Variants in LRRCC1 observed in about 807,000 individuals in gnomAD.
LRRCC1 encodes the protein leucine rich repeat and coiled-coil centrosomal protein 1.
In LRRCC1, 115 loss-of-function variants were observed where a neutral mutation model predicts 126.0. The observed-to-expected ratio is 0.91, with a 90% confidence interval of 0.78 to 1.07. The LOEUF is 1.07. Among genes scored for constraint, LRRCC1 ranks in the 50% least tolerant of loss-of-function variants. The probability of loss-of-function intolerance (pLI) is 0.00; values close to 1 mark genes in which losing one functional copy is unlikely to be tolerated. For missense variants in LRRCC1, 1,172 were observed against 1,175.7 expected, an observed-to-expected ratio of 1.00 and a Z score of 0.05; for synonymous variants, 400 against 393.4, an observed-to-expected ratio of 1.02 and a Z score of -0.20.
At chr8:85,127,440 A>C (rs1014967665) in intron 9 of LRRCC1, among the ~76,000 whole-genome samples, 1 of 152,156 alleles carries the variant, frequency 6.6e-6, no homozygotes, top group African/African-American at 2.4e-5. Flanking sequence ...GCTTTTCCTC[A>C]AATGATTATA....
At position 85,137,514 on chromosome 8, in the gene LRRCC1, TTATC is replaced by T; in HGVS notation, c.2383_2386del (p.Ser795GlufsTer17). ...AAAATTGGAGGCTCAAATTGAGAGT[TTATC>T]TAGAGAGAATGAATGTCTGCGAAAG... is the stretch of plus-strand genomic sequence containing the variant. On this transcript the variant is annotated frameshift_variant, in exon 15 of 19. Transcript: ENST00000360375. LOFTEE classifies it high-confidence loss of function. 6.4e-7 allele frequency: 1 copy of T among 1,565,802 alleles called. No homozygotes were observed. Among genetic ancestry groups the T allele is most frequent in the Non-Finnish European group, 8.6e-7 (1 of 1,162,518 alleles).
chr8:85,132,375 CTTTTTTTTTTTT>C (rs551423793), intron 12 of LRRCC1, among the ~76,000 whole-genome samples: 94 of 109,908 alleles, frequency 8.6e-4, no homozygotes, highest in East Asian at 1.1e-3. Context: ...TGAGTACTTT[CTTTTTTTTTTTT>C]TTTTTTTTTT....
intron 17 of LRRCC1, among the ~76,000 whole-genome samples, chr8:85,139,804 C>A (rs1479682314): frequency 6.6e-6 from 1 of 152,178 alleles, no homozygotes; most frequent in Non-Finnish European, 1.5e-5. Flanking sequence ...GCCCAAAAAT[C>A]TCACTTAAAG....
chr8:85,120,764 AT>A (rs1809491513), intron 6 of LRRCC1, among the ~76,000 whole-genome samples: 1 of 152,206 alleles, frequency 6.6e-6, no homozygotes, highest in African/African-American at 2.4e-5. Flanking sequence ...GTTCATCCAT[AT>A]TGTAGCATAT....
intron 8 of LRRCC1, among the ~76,000 whole-genome samples, chr8:85,125,828 A>G (rs1809952306): frequency 6.6e-6 from 1 of 152,032 alleles, no homozygotes; most frequent in African/African-American, 2.4e-5. Flanking sequence ...TCTTTCAATA[A>G]TAGAATTGGT....
At chr8:85,121,488 C>A (rs2135944765) in intron 6 of LRRCC1, among the ~76,000 whole-genome samples, 1 of 152,062 alleles carries the variant, frequency 6.6e-6, no homozygotes, top group Non-Finnish European at 1.5e-5. Context: ...GTTGCCCAGG[C>A]TGGAATGCAA....
intron 2 of LRRCC1, 49 bp from the exon 3 acceptor site, chr8:85,110,066 T>TGC (rs1453448424): frequency 2.7e-5 from 21 of 789,542 alleles, no homozygotes; most frequent in Non-Finnish European, 4.0e-5. Context: ...CTGTAATTAA[T>TGC]TATTTAAATT....
At chr8:85,121,737 T>C (rs1165459915) in intron 6 of LRRCC1, among the ~76,000 whole-genome samples, 2 of 152,214 alleles carry the variant, frequency 1.3e-5, no homozygotes, top group African/African-American at 4.8e-5. Context: ...AATTCATATG[T>C]TGGTTTTTTA....
At chr8:85,139,114 G>A (rs1811074813) in intron 17 of LRRCC1, among the ~76,000 whole-genome samples, 2 of 152,160 alleles carry the variant, frequency 1.3e-5, no homozygotes, top group Non-Finnish European at 2.9e-5. Context: ...TTTAAACTGT[G>A]TTTGAATGAA....
At chr8:85,111,233 C>T (rs925842489) in intron 3 of LRRCC1, among the ~76,000 whole-genome samples, 1 of 152,044 alleles carries the variant, frequency 6.6e-6, no homozygotes, top group African/African-American at 2.4e-5. Context: ...CAAGATTAGC[C>T]GGACATGGTG....
intron 4 of LRRCC1, among the ~76,000 whole-genome samples, chr8:85,113,540 G>A (rs945840602): frequency 5.3e-5 from 8 of 151,768 alleles, no homozygotes; most frequent in African/African-American, 1.2e-4. Flanking sequence ...AAACATTTAC[G>A]TACATACATA....
rs368643920 is a variant in LRRCC1, at chr8:85,134,884, C to T, written c.2006C>T (p.Ala669Val). The change falls in exon 13 of 19, where the codon GCA (alanine) becomes GTA (valine). Residue 669 changes from alanine to valine, a missense_variant. Physicochemically the swap from Ala to Val is moderately conservative, Grantham distance 64. Transcript: ENST00000360375. ...TTTGAAAATGTTGCAACTGAGTTAG[C>T]AAAGAGCAAACATGCTCTTATTTGG... ...DGFENVATEL[A>V]KSKHALIWAQ... is the part of the protein sequence containing the mutation. 1.9e-6 allele frequency: 3 copies of T among 1,579,894 alleles called. No individual in the cohort carries two copies. The highest frequency in any genetic ancestry group is 2.6e-6 in the Non-Finnish European group (3 of 1,171,680).
At chr8:85,122,390 T>C (rs1297921322) in intron 6 of LRRCC1, among the ~76,000 whole-genome samples, 2 of 152,186 alleles carry the variant, frequency 1.3e-5, no homozygotes, top group Non-Finnish European at 2.9e-5. Flanking sequence ...TGATATTGTC[T>C]CAAAATTCAC....
chr8:85,135,052 T>C lies in LRRCC1; in HGVS notation c.2154+20T>C. The C allele has an allele frequency of 6.9e-7, 1 of 1,438,900 alleles. No homozygotes were observed. The highest frequency in any genetic ancestry group is 9.1e-7 in the Non-Finnish European group (1 of 1,096,350). The allele number at this position is 1,438,900 out of a possible 1,614,324, so 89.1% of individuals were successfully genotyped here. ...TTACAGGTAAGACTTTGCAACATTA[T>C]ATGTTTTAAAATTTTTTTACATTAT... On this transcript the variant is annotated intron_variant, in intron 13 of 18. Coordinates refer to ENST00000360375, the MANE Select transcript of LRRCC1 (RefSeq NM_033402.5).
chr8:85,124,763 A>T lies in LRRCC1; in HGVS notation c.1125-29A>T, dbSNP rs1477606195. ...AAGTAATGTGAACACTACTTTTTTG[A>T]GTTATTTTCTATGTTTCATTCTTTA... On this transcript the variant is annotated intron_variant, in intron 7 of 18. Transcript: ENST00000360375. 9 of 1,419,330 alleles carry T rather than the reference A, an allele frequency of 6.3e-6. No individual in the cohort carries two copies. In the Admixed American group the frequency reaches 9.7e-5, roughly 15 times the overall value. 87.9% of individuals were successfully genotyped at this position (1,419,330 alleles called of 1,614,324 possible). A position where few individuals can be genotyped will look rare whatever the true frequency, so the allele number is the denominator to read the frequency against.
chr8:85,141,412 T>C lies in LRRCC1; in HGVS notation c.2871T>C (p.Asp957=). The C allele has an allele frequency of 6.2e-7, 1 of 1,613,216 alleles. No individual in the cohort carries two copies. Among genetic ancestry groups the C allele is most frequent in the Non-Finnish European group, 8.5e-7 (1 of 1,179,434 alleles). Residue 957 remains aspartate (D), a synonymous_variant, in exon 18 of 19, where the codon GAT becomes GAC. Coordinates refer to ENST00000360375, the MANE Select transcript of LRRCC1 (RefSeq NM_033402.5). ...KNAMEKLHSM[D]DAFKRQVDAI... ...CAATGGAAAAACTTCATAGTATGGA[T>C]GATGCCTTTAAAAGACAAGTTGATG... is the stretch of plus-strand genomic sequence containing the variant.
chr8:85,107,484 G>A, intron 1 of LRRCC1, 85 bp downstream of exon 1: 5 of 1,174,374 alleles, frequency 4.3e-6, no homozygotes, highest in Non-Finnish European at 6.1e-6. Flanking sequence ...CCAGAGTGGA[G>A]GCGCGGCACT....
At chr8:85,132,840 G>T (rs2135980736) in intron 12 of LRRCC1, among the ~76,000 whole-genome samples, 1 of 152,298 alleles carries the variant, frequency 6.6e-6, no homozygotes, top group South Asian at 2.1e-4. Flanking sequence ...ACGTATAGTA[G>T]ATCCCATTTC....
rs769225414 is a variant in LRRCC1, at chr8:85,130,297, G to A, written c.1766+239G>A. The stretch of plus-strand genomic sequence containing the variant: ...ACTACAGGCGCCCGCCACCATGCTG[G>A]CTAATTTTTTTTTTTTTTGTATTTT... On this transcript the variant is annotated intron_variant, in intron 11 of 18. Coordinates refer to ENST00000360375, the MANE Select transcript of LRRCC1 (RefSeq NM_033402.5). Among the ~76,000 whole-genome samples the A allele has an allele frequency of 8.4e-4, 127 of 151,788 alleles. 1 individual carries two copies. The highest frequency in any genetic ancestry group is 6.8e-3 in the Middle Eastern group (2 of 294).
Sources: allele counts gnomAD v4.1 joint callset (sites outside exome capture counted in the v4.1 genomes callset), GRCh38; gene constraint gnomAD v4.1.1; transcripts MANE v1.5; gene names NCBI Gene and HGNC (gene_info 2026-07-23, HGNC 2026-07-21).